Variants in ADAMTS8 observed in about 807,000 individuals in gnomAD.
ADAMTS8 encodes ADAM metallopeptidase with thrombospondin type 1 motif 8.
In ADAMTS8, 50 loss-of-function variants were observed where a neutral mutation model predicts 64.4. That is an observed-to-expected ratio of 0.78 (90% CI 0.62 to 0.98). The LOEUF (loss-of-function observed/expected upper bound fraction) is 0.98, where lower values mean the gene tolerates loss of function less well. ADAMTS8 is among the 50% of genes least tolerant of loss of function. ADAMTS8 has a pLI of 0.00. For missense variants in ADAMTS8, 1,192 were observed against 1,208.2 expected, an observed-to-expected ratio of 0.99 and a Z score of 0.20; for synonymous variants, 556 against 533.6, an observed-to-expected ratio of 1.04 and a Z score of -0.58.
In ADAMTS8 at chr11:130,414,691, T is replaced by C. The variant is rs1477487576; in HGVS notation, c.1406A>G (p.Gln469Arg). The C allele has an allele frequency of 6.2e-7, 1 of 1,613,862 alleles. No individual in the cohort carries two copies. Residue 469 changes from glutamine (Q) to arginine (R), a missense_variant, in exon 5 of 9, where the codon CAG (glutamine) becomes CGG (arginine). This residue lies in a region of ADAMTS8 where 741 missense variants were observed against 710.6 expected (regional missense o/e 1.04). Transcript: ENST00000257359. The stretch of plus-strand genomic sequence containing the variant: ...GCACCAAAGCTGGGCGCAGACGTCC[T>C]GAGCAGAGGTGTTGGGGCAGTGGCG... ...DFRHCPNTSA[Q>R]DVCAQLWCHT... is the part of the protein sequence containing the mutation.
Position 130,419,097 on chromosome 11 carries a change from G to A in ADAMTS8, c.916C>T (p.Arg306Cys), listed in dbSNP as rs575136058. 1.7e-5 allele frequency: 28 copies of A among 1,614,154 alleles called. No homozygotes were observed. Among genetic ancestry groups the A allele is most frequent in the African/African-American group, 1.6e-4 (12 of 75,052 alleles). The change falls in exon 2 of 9, where the codon CGC (arginine) becomes TGC (cysteine). Residue 306 changes from arginine to cysteine, a missense_variant. Arg to Cys is a radical substitution (Grantham distance 180). Coordinates refer to ENST00000257359, the MANE Select transcript of ADAMTS8 (RefSeq NM_007037.6). ...WQRRFNQPSD[R>C]HPEHYDTAIL... ...GCCGTGTCGTAGTGCTCTGGGTGGC[G>A]GTCGCTGGGCTGGTTGAAACGCCGC...
chr11:130,419,362 G>A (rs987923400), intron 1 of ADAMTS8, 70 bp from the exon 2 acceptor site: 6 of 1,590,644 alleles, frequency 3.8e-6, no homozygotes, highest in Admixed American at 1.7e-5. Context: ...TGGCCTGTCC[G>A]CTGCCATCAC....
chr11:130,417,025 G>C lies in ADAMTS8; in HGVS notation c.1011C>G (p.Ile337Met), dbSNP rs773003821. The C allele has an allele frequency of 6.2e-7, 1 of 1,613,876 alleles. No individual in the cohort carries two copies. The highest frequency in any genetic ancestry group is 1.3e-5 in the African/African-American group (1 of 74,888). Residue 337 changes from isoleucine (I) to methionine (M), a missense_variant, in exon 3 of 9, where the codon ATC becomes ATG. By Grantham distance (10) the Ile-to-Met change is conservative. This residue lies in a region of ADAMTS8 where 741 missense variants were observed against 710.6 expected (regional missense o/e 1.04). Transcript: ENST00000257359. ...TTTTGTTGGGGTCACAAATGGTCCC[G>C]ATGTCTGCCACACCCAGGGTGTCAC... is the stretch of plus-strand genomic sequence containing the variant. ...GLCDTLGVAD[I>M]GTICDPNKSC...
At position 130,408,696 on chromosome 11, in the gene ADAMTS8, C is replaced by CG. The variant is rs1292600738; in HGVS notation, c.1924-58dup. On this transcript the variant is annotated intron_variant, in intron 7 of 8. Coordinates refer to ENST00000257359, the MANE Select transcript of ADAMTS8 (RefSeq NM_007037.6). ...CGTGTTGAGCACAGAAGCAGCCTGC[C>CG]GGGGGGCGGGGGTGTGGGGACAGGC... is the stretch of plus-strand genomic sequence containing the variant. 1.6e-4 allele frequency: 261 copies of CG among 1,610,726 alleles called. 3 individuals carry two copies. The South Asian group carries it at 1.9e-3, about 12-fold the overall frequency.
chr11:130,428,217 CCAGCGGCAG>C lies in ADAMTS8; in HGVS notation c.61_69del (p.Leu21_Leu23del). 1 of 1,205,444 alleles carries C rather than the reference CCAGCGGCAG, an allele frequency of 8.3e-7. No individual in the cohort carries two copies. Among genetic ancestry groups the C allele is most frequent in the Non-Finnish European group, 1.0e-6 (1 of 980,376 alleles). 74.7% of individuals were successfully genotyped at this position (1,205,444 alleles called of 1,614,324 possible). A position where few individuals can be genotyped will look rare whatever the true frequency, so the allele number is the denominator to read the frequency against. On this transcript the variant is annotated inframe_deletion, in exon 1 of 9. Coordinates refer to ENST00000257359, the MANE Select transcript of ADAMTS8 (RefSeq NM_007037.6). ...GCGGGCCGGGCCGGGGCGCCGCGGG[CCAGCGGCAG>C]CAGCAGCAGCAGCAGCAGCAGGAGC...
intron 1 of ADAMTS8, among the ~76,000 whole-genome samples, chr11:130,424,226 T>G (rs1862134470): frequency 6.6e-6 from 1 of 152,146 alleles, no homozygotes; most frequent in Non-Finnish European, 1.5e-5. Context: ...GGATTCAGCT[T>G]TGGGAGACTT....
At position 130,428,257 on chromosome 11, in the gene ADAMTS8, C is replaced by T. The variant is rs1592137264; in HGVS notation, c.30G>A (p.Trp10Ter). MLPAPAAPR[W>*]PPLLLLLLLL... ...GCAGCAGCAGCAGCAGGAGCGGAGG[C>T]CACCGGGGGGCGGCGGGGGCGGGGA... The change falls in exon 1 of 9, where the codon TGG (tryptophan) becomes TGA (stop). Residue 10 changes from tryptophan (W) to a stop codon, truncating the protein, a stop_gained. Coordinates refer to ENST00000257359, the MANE Select transcript of ADAMTS8 (RefSeq NM_007037.6). LOFTEE classifies it high-confidence loss of function. 1.6e-6 allele frequency: 2 copies of T among 1,216,772 alleles called. No homozygotes were observed. The highest frequency in any genetic ancestry group is 2.0e-6 in the Non-Finnish European group (2 of 982,694). The allele number at this position is 1,216,772 out of a possible 1,614,324, so 75.4% of individuals were successfully genotyped here. A position where few individuals can be genotyped will look rare whatever the true frequency, so the allele number is the denominator to read the frequency against.
rs764019959 is a variant in ADAMTS8 at position 130,416,278 on chromosome 11, G to A, written c.1149C>T (p.Phe383=). The A allele has an allele frequency of 3.8e-6, 6 of 1,577,642 alleles. No individual in the cohort carries two copies. Among genetic ancestry groups the A allele is most frequent in the South Asian group, 1.2e-5 (1 of 85,908 alleles). ...HDDSKPCTRL[F]GPMGKHHVMA... ...TCACGTGGTGCTTGCCCATGGGCCC[G>A]AAGAGCCGTGTGCAGGGCTTGGAGT... Residue 383 remains phenylalanine (F), a synonymous_variant, in exon 4 of 9, where the codon TTC becomes TTT. Transcript: ENST00000257359. The surrounding 1 kb of genome is among the most constrained non-coding windows in gnomAD (Gnocchi z 4.8).
At chr11:130,408,997 G>T in intron 6 of ADAMTS8, 57 bp from the exon 7 acceptor site, 2 of 1,496,960 alleles carry the variant, frequency 1.3e-6, no homozygotes, top group Non-Finnish European at 1.8e-6. Context: ...AGGAGCATCC[G>T]GTGGAGAAAT....
Position 130,417,089 on chromosome 11 carries a change from A to G in ADAMTS8, c.961-14T>C, listed in dbSNP as rs1862036753. On this transcript the variant is annotated splice_polypyrimidine_tract_variant and intron_variant, in intron 2 of 8. Coordinates refer to ENST00000257359, the MANE Select transcript of ADAMTS8 (RefSeq NM_007037.6). ...CCCACAGAAGTTCTGCGTGGCGGGGAGAGAGCAAGAGAGTGCATCAGTGTG... is the reference window on the plus strand; with the variant it reads ...CCCACAGAAGTTCTGCGTGGCGGGGGGAGAGCAAGAGAGTGCATCAGTGTG... 5 of 1,613,246 alleles carry G rather than the reference A, an allele frequency of 3.1e-6. No homozygotes were observed. Among genetic ancestry groups the G allele is most frequent in the African/African-American group, 2.7e-5 (2 of 74,874 alleles).
chr11:130,425,783 A>G (rs187215067), intron 1 of ADAMTS8, among the ~76,000 whole-genome samples: 1 of 151,534 alleles, frequency 6.6e-6, no homozygotes, highest in East Asian at 1.9e-4. Context: ...TTGTATTTTT[A>G]GTAGAGACGG....
chr11:130,411,763 C>G lies in ADAMTS8; in HGVS notation c.1567-163G>C, dbSNP rs1469536924. 5 of 584,598 alleles carry G rather than the reference C, an allele frequency of 8.6e-6. No homozygotes were observed. Among genetic ancestry groups the G allele is most frequent in the Non-Finnish European group, 1.3e-5 (5 of 376,952 alleles). 36.2% of individuals were successfully genotyped at this position (584,598 alleles called of 1,614,324 possible). A position where few individuals can be genotyped will look rare whatever the true frequency, so the allele number is the denominator to read the frequency against. ...ATCATTTGTTTAATGACTGTGTGGC[C>G]TGCATGGCTTTGTGAGCACAGAGAC... is the stretch of plus-strand genomic sequence containing the variant. On this transcript the variant is annotated intron_variant, in intron 5 of 8. Transcript: ENST00000257359. This position sits in a 1 kb window ranked among gnomAD's most constrained non-coding sequence, Gnocchi z 4.2.
rs201797398 is a variant in ADAMTS8, at chr11:130,411,418, G to T, written c.1749C>A (p.Asp583Glu). ...GGGGCGGCCCTGAGTGGTAATTACC[G>T]TCAGGGGGGCATTCCTCCGTGTGGC... ...QSCHTEECPP[D>E]GKSFREQQCE... Residue 583 changes from aspartate (D) to glutamate (E), a missense_variant and splice_region_variant, in exon 6 of 9, where the codon GAC becomes GAA. Coordinates refer to ENST00000257359, the MANE Select transcript of ADAMTS8 (RefSeq NM_007037.6). This position sits in a 1 kb window ranked among gnomAD's most constrained non-coding sequence, Gnocchi z 4.2. 2 of 1,613,624 alleles carry T rather than the reference G, an allele frequency of 1.2e-6. No individual in the cohort carries two copies. Among genetic ancestry groups the T allele is most frequent in the African/African-American group, 1.3e-5 (1 of 75,030 alleles).
chr11:130,427,473 TTCTC>T, intron 1 of ADAMTS8, 90 bp downstream of exon 1: 15 of 890,358 alleles, frequency 1.7e-5, no homozygotes, highest in East Asian at 3.3e-5. Context: ...TTTTTTTTTT[TTCTC>T]AGAGGGATTG....
chr11:130,408,997 G>A (rs1163844016), intron 6 of ADAMTS8, 57 bp from the exon 7 acceptor site: 21 of 1,496,842 alleles, frequency 1.4e-5, no homozygotes, highest in African/African-American at 4.2e-5. Flanking sequence ...AGGAGCATCC[G>A]GTGGAGAAAT....
Position 130,417,084 on chromosome 11 carries a change from C to CG in ADAMTS8, c.961-10dup. The CG allele has an allele frequency of 6.2e-7, 1 of 1,613,512 alleles. No individual in the cohort carries two copies. Among genetic ancestry groups the CG allele is most frequent in the Non-Finnish European group, 8.5e-7 (1 of 1,179,888 alleles). On this transcript the variant is annotated splice_polypyrimidine_tract_variant and intron_variant, in intron 2 of 8. Transcript: ENST00000257359. Reference sequence around the variant, plus strand: ...TCCTGCCCACAGAAGTTCTGCGTGGCGGGGAGAGAGCAAGAGAGTGCATCA... The same window carrying CG: ...TCCTGCCCACAGAAGTTCTGCGTGGCGGGGGAGAGAGCAAGAGAGTGCATCA...
chr11:130,427,364 G>C (rs918915780), intron 1 of ADAMTS8, among the ~76,000 whole-genome samples: 1 of 152,064 alleles, frequency 6.6e-6, no homozygotes, highest in Non-Finnish European at 1.5e-5. Flanking sequence ...ATCCAGGGTG[G>C]CAGAAGTTCA....
chr11:130,408,893 A>G lies in ADAMTS8; in HGVS notation c.1798T>C (p.Tyr600His). ...AGGAGATTCCCGTCCATGTCAGTGTAATTGTAGGCATTATACTTCTCACAC... is the reference window on the plus strand; with the variant it reads ...AGGAGATTCCCGTCCATGTCAGTGTGATTGTAGGCATTATACTTCTCACAC... ...QQCEKYNAYN[Y>H]TDMDGNLLQW... is the part of the protein sequence containing the mutation. Residue 600 changes from tyrosine (Y) to histidine (H), a missense_variant, in exon 7 of 9, where the codon TAC becomes CAC. Physicochemically the swap from Tyr to His is moderately conservative, Grantham distance 83. Transcript: ENST00000257359. 1.2e-6 allele frequency: 2 copies of G among 1,603,076 alleles called. No individual in the cohort carries two copies. The highest frequency in any genetic ancestry group is 1.7e-6 in the Non-Finnish European group (2 of 1,175,160).
chr11:130,417,835 C>T (rs973244761), intron 2 of ADAMTS8, among the ~76,000 whole-genome samples: 2 of 152,060 alleles, frequency 1.3e-5, no homozygotes, highest in Non-Finnish European at 2.9e-5. Context: ...AGCCAGTTCA[C>T]CCGTCCCCCA....
Sources: allele counts gnomAD v4.1 joint callset (sites outside exome capture counted in the v4.1 genomes callset), GRCh38; gene constraint gnomAD v4.1.1; regional missense constraint gnomAD v4.1.1; non-coding constraint Gnocchi (gnomAD v3.1); transcripts MANE v1.5; gene names NCBI Gene and HGNC (gene_info 2026-07-23, HGNC 2026-07-21).